CR1: variants seen among roughly 807,000 people sequenced by gnomAD.
CR1 encodes the protein complement receptor type 1.
Under a neutral mutation model 187.3 loss-of-function variants are expected in CR1, and 116 were observed. The observed-to-expected ratio is 0.62, with a 90% CI of 0.53 to 0.72. The LOEUF (loss-of-function observed/expected upper bound fraction) is 0.72. Ranked by LOEUF, CR1 falls within the 30% of genes least tolerant of loss-of-function variation. The pLI is 0.00. For missense variants in CR1, 1,731 were observed against 2,110.7 expected (o/e 0.82, Z 3.52); for synonymous variants, 576 against 747.1 (o/e 0.77, Z 3.73).
At chr1:207,634,732 C>T (rs56168670) in intron 46 of CR1, among the ~76,000 whole-genome samples, 1 of 152,174 alleles carries the variant, frequency 6.6e-6, no homozygotes, top group Non-Finnish European at 1.5e-5. Context: ...ATACCTTGTA[C>T]TAAATCCACT....
At chr1:207,592,282 G>A (rs899070633) in intron 35 of CR1, among the ~76,000 whole-genome samples, 2 of 152,174 alleles carry the variant, frequency 1.3e-5, no homozygotes, top group African/African-American at 4.8e-5. Flanking sequence ...ATACAAGGCT[G>A]GTTCAACATA....
chr1:207,519,187 C>T (rs1487960605), intron 4 of CR1, among the ~76,000 whole-genome samples: 1 of 151,598 alleles, frequency 6.6e-6, no homozygotes, highest in Admixed American at 6.6e-5. Flanking sequence ...TACTTTCAGC[C>T]CTTCTTTGTC....
intron 37 of CR1, among the ~76,000 whole-genome samples, chr1:207,611,420 T>C (rs941364611): frequency 6.6e-6 from 1 of 152,168 alleles, no homozygotes; most frequent in Non-Finnish European, 1.5e-5. Flanking sequence ...AAGAGGAATA[T>C]GCTGCCTTAT....
intron 24 of CR1, among the ~76,000 whole-genome samples, chr1:207,567,117 A>G (rs1660525065): frequency 6.6e-6 from 1 of 150,444 alleles, no homozygotes; most frequent in South Asian, 2.1e-4. Flanking sequence ...AATGCCAATT[A>G]GAAATGAGGA....
At chr1:207,621,515 T>C (rs1370589302) in intron 43 of CR1, among the ~76,000 whole-genome samples, 3 of 152,216 alleles carry the variant, frequency 2.0e-5, no homozygotes, top group African/African-American at 7.2e-5. Context: ...CTATGCATTT[T>C]ATTAAGGGTT....
chr1:207,502,508 T>G (rs12075933), intron 1 of CR1, among the ~76,000 whole-genome samples: 28,172 of 151,964 alleles, frequency 0.19, 3,716 homozygotes, highest in African/African-American at 0.37. Context: ...GAAGATAAAA[T>G]TGCGTCACAT....
rs1303111687 is a variant in CR1, at chr1:207,580,393, GC to G, written c.5093del (p.Pro1698LeufsTer8). 6.2e-7 allele frequency: 1 copy of G among 1,613,856 alleles called. No individual in the cohort carries two copies. Among genetic ancestry groups the G allele is most frequent in the Non-Finnish European group, 8.5e-7 (1 of 1,179,828 alleles). The stretch of plus-strand genomic sequence containing the variant: ...CACTGCACACCCCAGGGAGACTGGA[GC>G]CCTGAAGCCCCGAGATGTGCAGGTG... ...SLHCTPQGDW[S>X]PEAPRCAVKS... is the part of the protein sequence containing the mutation. On this transcript the variant is annotated frameshift_variant, in exon 30 of 47. Coordinates refer to ENST00000367049, the MANE Select transcript of CR1 (RefSeq NM_000651.6). LOFTEE classifies it high-confidence loss of function.
rs1306529247 is a variant in CR1 at position 207,563,896 on chromosome 1, G to A, written c.3619G>A (p.Glu1207Lys). ...CQPPPDVLHA[E>K]RTQRDKDNFS... ...GCCACCTCCAGATGTCCTGCATGCT[G>A]AGCGTACCCAAAGGGACAAGGACAA... is the stretch of plus-strand genomic sequence containing the variant. The change falls in exon 22 of 47, where the codon GAG (glutamate) becomes AAG (lysine). Residue 1207 changes from glutamate (E) to lysine (K), a missense_variant. Physicochemically the swap from Glu to Lys is moderately conservative, Grantham distance 56 (BLOSUM62 1). This residue lies in a region of CR1 where 17 missense variants were observed against 214.5 expected (regional missense o/e 0.08). Coordinates refer to ENST00000367049, the MANE Select transcript of CR1 (RefSeq NM_000651.6). 6.7e-7 allele frequency: 1 copy of A among 1,484,956 alleles called. No individual in the cohort carries two copies. Among genetic ancestry groups the A allele is most frequent in the Non-Finnish European group, 8.8e-7 (1 of 1,132,556 alleles). 92.0% of individuals were successfully genotyped at this position (1,484,956 alleles called of 1,614,324 possible). A position where few individuals can be genotyped will look rare whatever the true frequency, so the allele number is the denominator to read the frequency against.
At chr1:207,513,670 A>G (rs1445672995) in intron 4 of CR1, among the ~76,000 whole-genome samples, 2 of 152,086 alleles carry the variant, frequency 1.3e-5, no homozygotes, top group African/African-American at 2.4e-5. Context: ...AAACCACCAA[A>G]TAATTATAAT....
At position 207,524,636 on chromosome 1, in the gene CR1, C is replaced by T. The variant is rs375388173; in HGVS notation, c.886+627C>T. On this transcript the variant is annotated intron_variant, in intron 5 of 46. Coordinates refer to ENST00000367049, the MANE Select transcript of CR1 (RefSeq NM_000651.6). ...CTCCTCAGCTCAAGCAATTCACCCACCTTGGCCTCCCAAAGTGCTGGGATT... is the reference window on the plus strand; with the variant it reads ...CTCCTCAGCTCAAGCAATTCACCCATCTTGGCCTCCCAAAGTGCTGGGATT... Among the ~76,000 whole-genome samples, 50 of 152,154 alleles carry T rather than the reference C, an allele frequency of 3.3e-4. No individual in the cohort carries two copies. In the East Asian group the frequency reaches 7.7e-3, roughly 23 times the overall value.
At position 207,508,123 on chromosome 1, in the gene CR1, G is replaced by A. The variant is rs1659501679; in HGVS notation, c.401+1310G>A. ...CTATGGAGACAGTGAAAATATCAGT[G>A]GTTGTCAGGGGTTAGGGAAGAAGGG... On this transcript the variant is annotated intron_variant, in intron 3 of 46. Coordinates refer to ENST00000367049, the MANE Select transcript of CR1 (RefSeq NM_000651.6). Among the ~76,000 whole-genome samples, 3 of 152,218 alleles carry A rather than the reference G, an allele frequency of 2.0e-5. No individual in the cohort carries two copies. In the South Asian group the frequency reaches 6.2e-4, roughly 31 times the overall value.
chr1:207,623,183 T>A (rs1662365791), intron 45 of CR1, 115 bp downstream of exon 45: 2 of 724,064 alleles, frequency 2.8e-6, no homozygotes, highest in Non-Finnish European at 4.5e-6. Context: ...GTGGTAATTC[T>A]TATAAAGAAA....
At chr1:207,581,307 CGTATATGTATACGTATACATGTACAT>C (rs1660940927) in intron 31 of CR1, among the ~76,000 whole-genome samples, 1 of 145,150 alleles carries the variant, frequency 6.9e-6, no homozygotes, top group Non-Finnish European at 1.5e-5. Flanking sequence ...CATATGGACA[CGTATATGTATACGTATACATGTACAT>C]GTGTATATGT....
At chr1:207,499,739 A>T (rs10863341) in intron 1 of CR1, among the ~76,000 whole-genome samples, 105,073 of 152,072 alleles carry the variant, frequency 0.69, 37,662 homozygotes, top group East Asian at 0.96. Context: ...CCTGCTAGGT[A>T]AAGGTGCAAG....
intron 35 of CR1, among the ~76,000 whole-genome samples, chr1:207,603,751 T>C (rs1461285530): frequency 6.6e-6 from 1 of 152,194 alleles, no homozygotes; most frequent in Non-Finnish European, 1.5e-5. Flanking sequence ...ATTACTTGGA[T>C]AGTCCATAAC....
Position 207,618,090 on chromosome 1 carries a change from G to C in CR1, c.6909G>C (p.Lys2303Asn). 1 of 1,613,506 alleles carries C rather than the reference G, an allele frequency of 6.2e-7. No homozygotes were observed. The highest frequency in any genetic ancestry group is 8.5e-7 in the Non-Finnish European group (1 of 1,179,666). Reference sequence around the variant, plus strand: ...TCTTAGCCTGCCCACATCCACCCAAGATCCAAAACGGGCATTACATTGGAG... The same window carrying C: ...TCTTAGCCTGCCCACATCCACCCAACATCCAAAACGGGCATTACATTGGAG... ...SVPAACPHPP[K>N]IQNGHYIGGH... is the part of the protein sequence containing the mutation. Residue 2303 changes from lysine (K) to asparagine (N), a missense_variant, in exon 42 of 47, where the codon AAG becomes AAC. By Grantham distance (94) the Lys-to-Asn change is moderately conservative. Coordinates refer to ENST00000367049, the MANE Select transcript of CR1 (RefSeq NM_000651.6).
intron 33 of CR1, among the ~76,000 whole-genome samples, chr1:207,585,113 C>A (rs190544811): frequency 2.0e-5 from 3 of 151,870 alleles, no homozygotes; most frequent in Admixed American, 6.6e-5. Flanking sequence ...GAAAAAGGGA[C>A]TGAGGGAGGG....
chr1:207,635,706 G>A (rs1662791846), intron 46 of CR1, among the ~76,000 whole-genome samples: 1 of 152,150 alleles, frequency 6.6e-6, no homozygotes, highest in Admixed American at 6.5e-5. Flanking sequence ...TTCCCATGAG[G>A]CCATATCTCA....
At chr1:207,621,275 A>T (rs1049229577) in intron 43 of CR1, among the ~76,000 whole-genome samples, 4 of 152,164 alleles carry the variant, frequency 2.6e-5, no homozygotes, top group African/African-American at 4.8e-5. Context: ...AACATTTTTT[A>T]AAAATTGTCC....
Sources: allele counts gnomAD v4.1 joint callset (sites outside exome capture counted in the v4.1 genomes callset), GRCh38; gene constraint gnomAD v4.1.1; regional missense constraint gnomAD v4.1.1; transcripts MANE v1.5; gene names NCBI Gene and HGNC (gene_info 2026-07-23, HGNC 2026-07-21).